PTP4A1: variants seen among roughly 807,000 people sequenced by gnomAD.
The protein encoded by PTP4A1 is protein tyrosine phosphatase type IVA 1.
Under a neutral mutation model 20.5 loss-of-function variants are expected in PTP4A1, and 9 were observed. The ratio of observed to expected loss-of-function variants is 0.44; its 90% confidence interval spans 0.26 to 0.77. The LOEUF is 0.77. PTP4A1 is among the 30% of genes least tolerant of loss of function. The pLI is 0.19. For missense variants in PTP4A1, 137 were observed against 218.8 expected, an observed-to-expected ratio of 0.63 and a Z score of 2.36; for synonymous variants, 78 against 67.4, an observed-to-expected ratio of 1.16 and a Z score of -0.77.
At chr6:63,532,371 T>C (rs1775509692) in intron 2 of PTP4A1, among the ~76,000 whole-genome samples, 1 of 152,148 alleles carries the variant, frequency 6.6e-6, no homozygotes, top group Non-Finnish European at 1.5e-5. Context: ...TTCATACCTC[T>C]CAAATCTTGA....
intron 3 of PTP4A1, among the ~76,000 whole-genome samples, chr6:63,558,867 G>A (rs1409955671): frequency 6.6e-6 from 1 of 152,162 alleles, no homozygotes; most frequent in Non-Finnish European, 1.5e-5. Context: ...ATAAAGATAT[G>A]GAATGAGTTG....
At chr6:63,537,238 T>C (rs1274940750) in intron 2 of PTP4A1, among the ~76,000 whole-genome samples, 2 of 152,280 alleles carry the variant, frequency 1.3e-5, no homozygotes, top group African/African-American at 2.4e-5. Context: ...CCTGGACCAA[T>C]AGCATCAACG....
chr6:63,554,844 T>C (rs563614229), intron 3 of PTP4A1, among the ~76,000 whole-genome samples: 3 of 152,180 alleles, frequency 2.0e-5, no homozygotes, highest in Admixed American at 1.3e-4. Flanking sequence ...GGGTCACTTT[T>C]GGGGACAATC....
At chr6:63,576,342 A>AT (rs1491402803) in intron 1 of PTP4A1, 94 bp from the exon 2 acceptor site, 1 of 395,196 alleles carries the variant, frequency 2.5e-6, no homozygotes, top group East Asian at 3.6e-5. Context: ...CTTTAGAAAA[A>AT]TAGTTGTGTA....
chr6:63,538,447 A>C (rs1020187714), intron 2 of PTP4A1, among the ~76,000 whole-genome samples: 4 of 152,248 alleles, frequency 2.6e-5, no homozygotes, highest in African/African-American at 7.2e-5. Context: ...GTTTTAAAAC[A>C]TAATAAAAAT....
intron 2 of PTP4A1, among the ~76,000 whole-genome samples, chr6:63,541,509 C>T (rs1218946048): frequency 6.6e-6 from 1 of 152,050 alleles, no homozygotes; most frequent in Non-Finnish European, 1.5e-5. Context: ...GCCAAGATCT[C>T]GCCATTGCAC....
At chr6:63,549,256 G>C in intron 2 of PTP4A1, 1 of 748,492 alleles carries the variant, frequency 1.3e-6, no homozygotes, top group Admixed American at 1.7e-5. Flanking sequence ...TCCAGGGCCT[G>C]GGTGAACTGG....
intron 3 of PTP4A1, among the ~76,000 whole-genome samples, chr6:63,566,345 G>A (rs908937962): frequency 6.6e-6 from 1 of 152,194 alleles, no homozygotes; most frequent in Non-Finnish European, 1.5e-5. Context: ...GTAGCCAGGG[G>A]GTGAGGGGAT....
At chr6:63,526,807 A>G (rs1224000280) in intron 1 of PTP4A1, among the ~76,000 whole-genome samples, 1 of 124,774 alleles carries the variant, frequency 8.0e-6, no homozygotes, top group Non-Finnish European at 1.7e-5. Context: ...AAAAATGTAT[A>G]TATATATATA....
At chr6:63,553,874 T>C (rs1005050521) in intron 3 of PTP4A1, among the ~76,000 whole-genome samples, 2 of 152,148 alleles carry the variant, frequency 1.3e-5, no homozygotes, top group Admixed American at 1.3e-4. Context: ...TTGAGTCAGG[T>C]TATTCAAAAG....
At chr6:63,576,360 A>T (rs1164309297) in intron 1 of PTP4A1, 76 bp from the exon 2 acceptor site, 1 of 397,584 alleles carries the variant, frequency 2.5e-6, no homozygotes. Context: ...GTACTTAAAT[A>T]GTGTAAAACC....
intron 1 of PTP4A1, among the ~76,000 whole-genome samples, chr6:63,575,264 C>T (rs1777781127): frequency 6.6e-6 from 1 of 152,170 alleles, no homozygotes; most frequent in Admixed American, 6.5e-5. Flanking sequence ...AATGAGAGTA[C>T]ACATGAAGTG....
At chr6:63,549,233 A>T in intron 2 of PTP4A1, 4 of 734,064 alleles carry the variant, frequency 5.4e-6, no homozygotes, top group Non-Finnish European at 9.9e-6. Context: ...GTAGCAGAGC[A>T]GCTGTTTGGT....
chr6:63,568,511 A>G (rs1251459009), upstream of PTP4A1, among the ~76,000 whole-genome samples: 1 of 152,234 alleles, frequency 6.6e-6, no homozygotes, highest in Non-Finnish European at 1.5e-5. Flanking sequence ...ACAAATTGCC[A>G]TAACAAATGC....
chr6:63,549,299 G>A, intron 2 of PTP4A1: 1 of 754,182 alleles, frequency 1.3e-6, no homozygotes. Context: ...GCCACTTACA[G>A]AGGATGGCTC....
At chr6:63,551,575 T>G (rs533989364) in intron 3 of PTP4A1, among the ~76,000 whole-genome samples, 11 of 152,284 alleles carry the variant, frequency 7.2e-5, no homozygotes, top group African/African-American at 2.6e-4. Context: ...CTAGGGTACA[T>G]GTGCACAATG....
upstream of PTP4A1, among the ~76,000 whole-genome samples, chr6:63,570,687 G>T (rs1777379107): frequency 6.6e-6 from 1 of 152,178 alleles, no homozygotes; most frequent in Non-Finnish European, 1.5e-5. Flanking sequence ...ACATGAAAAA[G>T]TTTCACTATT....
At chr6:63,573,851 C>T (rs972176578) in intron 1 of PTP4A1, among the ~76,000 whole-genome samples, 2 of 152,138 alleles carry the variant, frequency 1.3e-5, no homozygotes, top group African/African-American at 4.8e-5. Flanking sequence ...ATACATTTCC[C>T]CTGCCAATTT....
Position 63,576,433 on chromosome 6 carries a change from C to A in PTP4A1, c.-445-3C>A. 1 of 399,052 alleles carries A rather than the reference C, an allele frequency of 2.5e-6. No homozygotes were observed. Among genetic ancestry groups the A allele is most frequent in the Non-Finnish European group, 4.4e-6 (1 of 226,204 alleles). 24.7% of individuals were successfully genotyped at this position (399,052 alleles called of 1,614,324 possible). The stretch of plus-strand genomic sequence containing the variant: ...TCTCTTTCTGTCTTTTTCTTTTAAA[C>A]AGCAATTCTGTGGTGTTCTTGGTCA... On this transcript the variant is annotated splice_region_variant and splice_polypyrimidine_tract_variant and intron_variant, in intron 1 of 5. Coordinates refer to ENST00000626021, the MANE Select transcript of PTP4A1 (RefSeq NM_003463.5).
Sources: allele counts gnomAD v4.1 joint callset (sites outside exome capture counted in the v4.1 genomes callset), GRCh38; gene constraint gnomAD v4.1.1; transcripts MANE v1.5; gene names NCBI Gene and HGNC (gene_info 2026-07-23, HGNC 2026-07-21).